The following AK7 variants were observed in gnomAD, a reference collection of about 807,000 sequenced individuals.
AK7 encodes the protein adenylate kinase 7, also known as ATP-AMP transphosphorylase 7.
In AK7, 78 loss-of-function variants were observed where a neutral mutation model predicts 96.6. The observed-to-expected ratio is 0.81, with a 90% confidence interval of 0.67 to 0.97. The LOEUF (loss-of-function observed/expected upper bound fraction) is 0.97, where lower values mean the gene tolerates loss of function less well. Among genes scored for constraint, AK7 ranks in the 50% least tolerant of loss-of-function variants. AK7 has a pLI of 0.00. For synonymous variants in AK7, 302 were observed against 317.2 expected (o/e 0.95, Z 0.51); for missense variants, 855 against 887.9 (o/e 0.96, Z 0.47).
intron 12 of AK7, among the ~76,000 whole-genome samples, chr14:96,459,648 G>T (rs1379970707): frequency 6.6e-6 from 1 of 151,866 alleles, no homozygotes; most frequent in Non-Finnish European, 1.5e-5. Context: ...TCGTGATCTA[G>T]GAGGGTGGAT....
At chr14:96,428,484 T>C (rs1264636208) in intron 5 of AK7, among the ~76,000 whole-genome samples, 1 of 152,214 alleles carries the variant, frequency 6.6e-6, no homozygotes, top group Non-Finnish European at 1.5e-5. Context: ...TACCCAGTAA[T>C]GGAATGGCTG....
At chr14:96,455,835 G>A (rs190892175) in intron 10 of AK7, among the ~76,000 whole-genome samples, 3 of 152,276 alleles carry the variant, frequency 2.0e-5, no homozygotes, top group East Asian at 1.9e-4. Context: ...AGACGCTTTC[G>A]GGATGATGTG....
intron 5 of AK7, among the ~76,000 whole-genome samples, chr14:96,427,827 A>C (rs1193011100): frequency 2.6e-5 from 4 of 152,078 alleles, no homozygotes; most frequent in Non-Finnish European, 5.9e-5. Flanking sequence ...GTCTCCTCTG[A>C]CTATATATAT....
chr14:96,440,111 G>T (rs1033528710), intron 6 of AK7, among the ~76,000 whole-genome samples: 1 of 152,138 alleles, frequency 6.6e-6, no homozygotes, highest in African/African-American at 2.4e-5. Context: ...GAGTAGCTGG[G>T]ATTACAGGTG....
chr14:96,406,057 ATT>A lies in AK7; in HGVS notation c.403+1205_403+1206del, dbSNP rs5810770. Among the ~76,000 whole-genome samples, 339 of 146,386 alleles carry A rather than the reference ATT, an allele frequency of 2.3e-3. 3 individuals carry two copies. The highest frequency in any genetic ancestry group is 7.1e-3 in the Middle Eastern group (2 of 282). On this transcript the variant is annotated intron_variant, in intron 3 of 17. Transcript: ENST00000267584. ...TTTCATGTCCCCCCAAAGCAACCTC[ATT>A]TTTTTTTTTTTTGAGGCAAGATCTT... is the stretch of plus-strand genomic sequence containing the variant.
intron 1 of AK7, 64 bp downstream of exon 1, chr14:96,392,323 T>C (rs1889798029): frequency 6.8e-7 from 1 of 1,467,440 alleles, no homozygotes; most frequent in African/African-American, 1.4e-5. Flanking sequence ...CGGCCCCCGG[T>C]CCGCAAACCC....
intron 4 of AK7, among the ~76,000 whole-genome samples, chr14:96,414,946 G>C (rs970696976): frequency 6.6e-6 from 1 of 151,848 alleles, no homozygotes; most frequent in Non-Finnish European, 1.5e-5. Flanking sequence ...GTAGTGACAG[G>C]GTTTTGCCAT....
chr14:96,428,750 A>G (rs941073910), intron 5 of AK7, among the ~76,000 whole-genome samples: 1 of 152,224 alleles, frequency 6.6e-6, no homozygotes, highest in African/African-American at 2.4e-5. Context: ...CATTGGCTAC[A>G]TAAATGTCTT....
rs549230636 is a variant in AK7 at position 96,431,183 on chromosome 14, C to G, written c.610-6652C>G. On this transcript the variant is annotated intron_variant, in intron 5 of 17. Transcript: ENST00000267584. ...TATTAATCTTGCTAGCGGTCTATCT[C>G]TTTTGTTGATCTTTTCAAAAAACCA... Among the ~76,000 whole-genome samples, 218 of 152,046 alleles carry G rather than the reference C, an allele frequency of 1.4e-3. 1 individual carries two copies. Among genetic ancestry groups the G allele is most frequent in the African/African-American group, 4.9e-3 (202 of 41,464 alleles).
intron 12 of AK7, among the ~76,000 whole-genome samples, chr14:96,462,223 T>G (rs1018538479): frequency 1.7e-4 from 26 of 151,968 alleles, no homozygotes; most frequent in African/African-American, 6.3e-4. Context: ...ACAGCCAGCG[T>G]CCCTCAAAGC....
intron 1 of AK7, among the ~76,000 whole-genome samples, chr14:96,397,829 A>G (rs1300847007): frequency 6.6e-6 from 1 of 152,198 alleles, no homozygotes; most frequent in Non-Finnish European, 1.5e-5. Context: ...GGAGTGCAGT[A>G]TCCGGAAACA....
At chr14:96,416,696 A>G (rs1891368070) in intron 4 of AK7, among the ~76,000 whole-genome samples, 1 of 152,226 alleles carries the variant, frequency 6.6e-6, no homozygotes, top group Non-Finnish European at 1.5e-5. Context: ...GTTGGGAGGA[A>G]CTAAAACCCA....
intron 11 of AK7, among the ~76,000 whole-genome samples, chr14:96,457,271 G>A: frequency 6.6e-6 from 1 of 151,990 alleles, no homozygotes; most frequent in East Asian, 1.9e-4. Flanking sequence ...ATGTTGGCCA[G>A]GCTGGTCTTG....
At chr14:96,471,771 T>TC (rs907497010) in intron 13 of AK7, among the ~76,000 whole-genome samples, 165 bp downstream of exon 13, 1 of 151,984 alleles carries the variant, frequency 6.6e-6, no homozygotes, top group African/African-American at 2.4e-5. Flanking sequence ...TCTTTTTTTT[T>TC]CCCCCTGGAT....
intron 3 of AK7, chr14:96,405,086 C>A (rs1219138506): frequency 7.5e-6 from 2 of 266,788 alleles, no homozygotes; most frequent in African/African-American, 4.3e-5. Flanking sequence ...TGACTCATGC[C>A]TGTAATCCTA....
At chr14:96,461,252 C>G (rs1202225254) in intron 12 of AK7, among the ~76,000 whole-genome samples, 1 of 152,110 alleles carries the variant, frequency 6.6e-6, no homozygotes, top group Non-Finnish European at 1.5e-5. Flanking sequence ...TGCTTGAGGT[C>G]AGCCTCGGCA....
chr14:96,442,580 T>A lies in AK7; in HGVS notation c.691-150T>A, dbSNP rs909834272. ...TGGCAGAATTTGATCCTAAATCTCA[T>A]CAGGGCTGATTTATAAAACACCCCC... On this transcript the variant is annotated intron_variant, in intron 6 of 17. Coordinates refer to ENST00000267584, the MANE Select transcript of AK7 (RefSeq NM_152327.5). 1.4e-5 allele frequency: 10 copies of A among 707,344 alleles called. No individual in the cohort carries two copies. The Admixed American group carries it at 2.1e-4, about 15-fold the overall frequency. The allele number at this position is 707,344 out of a possible 1,614,324, so 43.8% of individuals were successfully genotyped here. A position where few individuals can be genotyped will look rare whatever the true frequency, so the allele number is the denominator to read the frequency against.
intron 7 of AK7, among the ~76,000 whole-genome samples, chr14:96,443,123 C>T (rs972611174): frequency 7.2e-5 from 11 of 152,170 alleles, no homozygotes; most frequent in African/African-American, 1.4e-4. Flanking sequence ...ATTCTGAGGA[C>T]GTAGTTTCTT....
chr14:96,456,550 A>G (rs1893923551), intron 11 of AK7, 75 bp downstream of exon 11: 6 of 1,526,294 alleles, frequency 3.9e-6, no homozygotes, highest in South Asian at 3.6e-5. Context: ...GATGTATATG[A>G]TTCGAATTAG....
Sources: gnomAD v4.1 joint callset for allele counts (sites outside exome capture counted in the v4.1 genomes callset) on GRCh38, gnomAD v4.1.1 for gene constraint, MANE v1.5 for transcripts, NCBI Gene and HGNC (gene_info 2026-07-23, HGNC 2026-07-21) for gene names.